RPS24: variants seen among roughly 807,000 people sequenced by gnomAD.
RPS24 encodes ribosomal protein S24.
For synonymous variants in RPS24, 72 were observed against 55.6 expected (o/e 1.30, Z -1.31); for missense variants, 100 against 162.5 (o/e 0.62, Z 2.09).
exon 5 of RPS24, chr10:78,054,891 A>C: frequency 6.5e-7 from 1 of 1,542,668 alleles, no homozygotes; most frequent in Non-Finnish European, 8.8e-7. Context: ...CTTGTCAGCA[A>C]CCTTGACTCT....
chr10:78,036,966 T>C (rs564884275), intron 3 of RPS24, among the ~76,000 whole-genome samples: 1 of 152,320 alleles, frequency 6.6e-6, no homozygotes, highest in African/African-American at 2.4e-5. Flanking sequence ...AAACTCCCTG[T>C]TGAGAGAATG....
At chr10:78,043,615 G>T (rs894326386), downstream of RPS24, among the ~76,000 whole-genome samples, 4 of 152,226 alleles carry the variant, frequency 2.6e-5, no homozygotes, top group Non-Finnish European at 5.9e-5. Flanking sequence ...TGTTCTGCAA[G>T]TTGGGGATAA....
exon 5 of RPS24, chr10:78,056,002 C>T (rs1380688893): frequency 7.9e-5 from 12 of 152,334 alleles, no homozygotes; most frequent in Admixed American, 7.2e-4. Context: ...CCACCCAGCT[C>T]AGCCTCCCAA....
chr10:78,054,450 C>T (rs1181320362), intron 4 of RPS24: 4 of 1,288,248 alleles, frequency 3.1e-6, no homozygotes, highest in Non-Finnish European at 4.2e-6. Context: ...TGCAGAATCC[C>T]AGGCCACAGG....
chr10:78,046,670 C>T lies in RPS24; in HGVS notation c.391-7861C>T, dbSNP rs528869106. Among the ~76,000 whole-genome samples, 35 of 152,120 alleles carry T rather than the reference C, an allele frequency of 2.3e-4. No individual in the cohort carries two copies. In the East Asian group the frequency reaches 6.0e-3, roughly 26 times the overall value. The stretch of plus-strand genomic sequence containing the variant: ...GCACCTGGCCTCATTTACCTGCACT[C>T]GGAGGGAAGTACTATTACCCCCATT... On this transcript the variant is annotated intron_variant, in intron 4 of 4. Coordinates refer to the RPS24 transcript ENST00000440692.
downstream of RPS24, chr10:78,040,843 TG>T (rs1159079844): frequency 9.3e-6 from 6 of 644,826 alleles, no homozygotes; most frequent in South Asian, 5.6e-5. Context: ...GTTTGCTGCT[TG>T]GTTTATAGCT....
chr10:78,044,400 TCAA>T (rs1328973263), downstream of RPS24, among the ~76,000 whole-genome samples: 1 of 152,108 alleles, frequency 6.6e-6, no homozygotes, highest in Non-Finnish European at 1.5e-5. Context: ...TTCTCTTGAA[TCAA>T]CAAGATGGAA....
At chr10:78,052,010 A>C (rs1489874627) in intron 4 of RPS24, among the ~76,000 whole-genome samples, 1 of 150,214 alleles carries the variant, frequency 6.7e-6, no homozygotes, top group Non-Finnish European at 1.5e-5. Context: ...TGGATTGTCC[A>C]TTTTTAAAAT....
At chr10:78,046,560 G>T (rs1447716962) in intron 4 of RPS24, among the ~76,000 whole-genome samples, 2 of 151,894 alleles carry the variant, frequency 1.3e-5, no homozygotes, top group African/African-American at 2.4e-5. Context: ...TCTCCATGTT[G>T]GCCAGGCTGG....
At chr10:78,040,018 G>A (rs769659287) in intron 4 of RPS24, 186 bp from the exon 5 acceptor site, 7 of 687,046 alleles carry the variant, frequency 1.0e-5, no homozygotes, top group Non-Finnish European at 1.9e-5. Flanking sequence ...TCAGAATTGG[G>A]AGGAATAAAA....
chr10:78,047,208 C>T (rs989818701), intron 4 of RPS24, among the ~76,000 whole-genome samples: 9 of 151,794 alleles, frequency 5.9e-5, no homozygotes, highest in Non-Finnish European at 1.3e-4. Context: ...TCAGGTGATC[C>T]GCTGGCCTCG....
downstream of RPS24, among the ~76,000 whole-genome samples, chr10:78,044,341 G>A (rs1848019835): frequency 6.6e-6 from 1 of 152,158 alleles, no homozygotes; most frequent in Non-Finnish European, 1.5e-5. Flanking sequence ...TCTGCAAGGG[G>A]AAGAGAGGAT....
chr10:78,035,811 G>T lies in RPS24; in HGVS notation c.279+91G>T, dbSNP rs1255362047. On this transcript the variant is annotated intron_variant, in intron 3 of 5. Coordinates refer to ENST00000372360, the MANE Select transcript of RPS24 (RefSeq NM_033022.4). ...AGTGTGGTAAAAAGGGCAAGACCAA[G>T]CAATCTGGGATACAACTCTGAAAGG... The T allele has an allele frequency of 1.1e-5, 11 of 1,008,650 alleles. No individual in the cohort carries two copies. In the East Asian group the frequency reaches 1.7e-4, roughly 15 times the overall value. 62.5% of individuals were successfully genotyped at this position (1,008,650 alleles called of 1,614,324 possible).
downstream of RPS24, among the ~76,000 whole-genome samples, chr10:78,044,529 C>T (rs1848021997): frequency 6.6e-6 from 1 of 152,088 alleles, no homozygotes. Context: ...AGTATGACAC[C>T]TGACTCATTT....
chr10:78,051,694 T>A (rs1848100416), intron 4 of RPS24, among the ~76,000 whole-genome samples: 1 of 152,210 alleles, frequency 6.6e-6, no homozygotes, highest in Non-Finnish European at 1.5e-5. Context: ...TGTACGAAGG[T>A]TCTAATTTCT....
downstream of RPS24, among the ~76,000 whole-genome samples, chr10:78,043,221 T>A (rs1848005732): frequency 6.6e-6 from 1 of 152,170 alleles, no homozygotes; most frequent in Admixed American, 6.5e-5. Context: ...GCCAGGATGG[T>A]CTCGATCTCC....
rs542001282 is a variant in RPS24, at chr10:78,051,400, C to G, written c.391-3131C>G. ...TCAGCCTAATGTTTCCGTGCTATGT[C>G]CACACCGTAGCATGTATCAGTAATT... On this transcript the variant is annotated intron_variant, in intron 4 of 4. Transcript: ENST00000440692. Among the ~76,000 whole-genome samples, 5 of 152,326 alleles carry G rather than the reference C, an allele frequency of 3.3e-5. No homozygotes were observed. The East Asian group carries it at 9.7e-4, about 29-fold the overall frequency.
intron 3 of RPS24, 90 bp downstream of exon 3, chr10:78,035,810 A>G: frequency 9.7e-7 from 1 of 1,026,842 alleles, no homozygotes; most frequent in Non-Finnish European, 1.5e-6. Context: ...GGCAAGACCA[A>G]GCAATCTGGG....
At chr10:78,041,611 T>C (rs1429939565), downstream of RPS24, among the ~76,000 whole-genome samples, 1 of 151,786 alleles carries the variant, frequency 6.6e-6, no homozygotes, top group Non-Finnish European at 1.5e-5. Flanking sequence ...GCAGCAAAGG[T>C]TGGGGTTTGA....
Sources: gnomAD v4.1 joint callset for allele counts (sites outside exome capture counted in the v4.1 genomes callset) on GRCh38, gnomAD v4.1.1 for gene constraint, MANE v1.5 for transcripts, NCBI Gene and HGNC (gene_info 2026-07-23, HGNC 2026-07-21) for gene names.